The following RPS6KA2 variants were observed in gnomAD, a reference collection of about 807,000 sequenced individuals.
RPS6KA2 encodes ribosomal protein S6 kinase A2, also known as ribosomal protein S6 kinase alpha-2.
In RPS6KA2, 42 loss-of-function variants were observed where a neutral mutation model predicts 91.8. The ratio of observed to expected loss-of-function variants is 0.46; its 90% CI spans 0.36 to 0.59. RPS6KA2 has a LOEUF of 0.59. Among genes scored for constraint, RPS6KA2 ranks in the 20% least tolerant of loss-of-function variants. The pLI, the probability that RPS6KA2 is intolerant of heterozygous loss-of-function variation, is 0.00. For synonymous variants in RPS6KA2, 414 were observed against 393.6 expected (o/e 1.05, Z -0.61); for missense variants, 798 against 978.5 (o/e 0.82, Z 2.46).
At chr6:166,472,482 C>G (rs1780808516) in intron 10 of RPS6KA2, among the ~76,000 whole-genome samples, 1 of 152,108 alleles carries the variant, frequency 6.6e-6, no homozygotes, top group African/African-American at 2.4e-5. Flanking sequence ...GTATTTTAAG[C>G]CCTCAGCAAA....
chr6:166,541,525 C>T (rs920316212), intron 1 of RPS6KA2, among the ~76,000 whole-genome samples: 16 of 152,192 alleles, frequency 1.1e-4, no homozygotes, highest in Admixed American at 3.3e-4. Flanking sequence ...TGACAGCATC[C>T]GGGCTACTTG....
At chr6:166,682,123 T>C (rs761471665) in intron 2 of RPS6KA2, among the ~76,000 whole-genome samples, 4 of 152,338 alleles carry the variant, frequency 2.6e-5, no homozygotes, top group Middle Eastern at 3.4e-3. Context: ...ACCCAAGGAA[T>C]GTGATGTTGA....
chr6:166,696,572 G>A (rs528148337), intron 2 of RPS6KA2, among the ~76,000 whole-genome samples: 136 of 152,246 alleles, frequency 8.9e-4, no homozygotes, highest in African/African-American at 2.8e-3. Context: ...CAGCTGAAAC[G>A]GTCCATTTTC....
chr6:166,812,369 A>T (rs4710112), intron 2 of RPS6KA2, among the ~76,000 whole-genome samples: 34,062 of 151,802 alleles, frequency 0.22, 4,878 homozygotes, highest in African/African-American at 0.41. Context: ...AAAAAGAAAT[A>T]AAGCGTCTGG....
At chr6:166,580,670 A>C (rs1784980236) in intron 1 of RPS6KA2, among the ~76,000 whole-genome samples, 1 of 141,332 alleles carries the variant, frequency 7.1e-6, no homozygotes, top group Admixed American at 7.0e-5. Context: ...CCCACCCCCA[A>C]CCCCTGACCC....
chr6:166,679,888 C>G (rs1337236199), intron 2 of RPS6KA2, among the ~76,000 whole-genome samples: 1 of 152,222 alleles, frequency 6.6e-6, no homozygotes, highest in African/African-American at 2.4e-5. Context: ...TGATGGGGGA[C>G]GAGCTCCCTC....
rs374069939 is a variant in RPS6KA2 at position 166,571,000 on chromosome 6, T to C, written c.100-32216A>G. Among the ~76,000 whole-genome samples the C allele has an allele frequency of 1.1e-4, 17 of 152,276 alleles. 1 individual carries two copies. The South Asian group carries it at 3.1e-3, about 28-fold the overall frequency. ...TTACACGAAATAATAAAGAATAGCA[T>C]AGGAATTCTGGGAAAATAAAGGCGT... On this transcript the variant is annotated intron_variant, in intron 1 of 20. Coordinates refer to ENST00000265678, the MANE Select transcript of RPS6KA2 (RefSeq NM_021135.6).
chr6:166,430,650 G>C (rs1324107501), intron 15 of RPS6KA2, 39 bp from the exon 16 acceptor site: 10 of 1,580,164 alleles, frequency 6.3e-6, no homozygotes, highest in Admixed American at 1.7e-5. Flanking sequence ...CACCACGGCT[G>C]GTTGCTGTGA....
intron 2 of RPS6KA2, among the ~76,000 whole-genome samples, chr6:166,812,171 C>G (rs1329070127): frequency 6.6e-6 from 1 of 152,124 alleles, no homozygotes; most frequent in Non-Finnish European, 1.5e-5. Flanking sequence ...GCCTGGCCAA[C>G]ATGGTGAAAC....
intron 2 of RPS6KA2, among the ~76,000 whole-genome samples, chr6:166,678,480 A>G (rs1358107705): frequency 6.6e-6 from 1 of 152,226 alleles, no homozygotes; most frequent in African/African-American, 2.4e-5. Flanking sequence ...TCCATGCAAA[A>G]TAAACAAAAA....
chr6:166,461,481 C>T (rs1012993465), intron 11 of RPS6KA2, among the ~76,000 whole-genome samples: 20 of 142,386 alleles, frequency 1.4e-4, no homozygotes, highest in Admixed American at 1.2e-3. Flanking sequence ...TGTGTGAGAG[C>T]AAGCGAGGGA....
intron 2 of RPS6KA2, among the ~76,000 whole-genome samples, chr6:166,536,517 C>T (rs917808282): frequency 6.6e-6 from 1 of 152,230 alleles, no homozygotes; most frequent in Admixed American, 6.5e-5. Context: ...CTGTGACTCT[C>T]TAGTGACGAT....
chr6:166,590,816 T>C (rs1583307054), intron 1 of RPS6KA2, among the ~76,000 whole-genome samples: 3 of 151,978 alleles, frequency 2.0e-5, no homozygotes, highest in East Asian at 3.9e-4. Flanking sequence ...GGATAAGTGA[T>C]GGCCCCAGGC....
At chr6:166,836,289 T>A (rs1041752248) in intron 2 of RPS6KA2, among the ~76,000 whole-genome samples, 1 of 152,208 alleles carries the variant, frequency 6.6e-6, no homozygotes, top group African/African-American at 2.4e-5. Flanking sequence ...CCTCTTTTAT[T>A]TTCTGGACAT....
At position 166,666,109 on chromosome 6, in the gene RPS6KA2, T is replaced by C. The variant is rs1361097282; in HGVS notation, c.124-127325A>G. On this transcript the variant is annotated intron_variant, in intron 2 of 21. Transcript: ENST00000503859. This position sits in a 1 kb window ranked among gnomAD's most constrained non-coding sequence, Gnocchi z 4.0. Reference sequence around the variant, plus strand: ...TCCCAGCTGATTGATCCGCAAATGATGGCAGGAAAAAGCTGAACTCACTTC... The same window carrying C: ...TCCCAGCTGATTGATCCGCAAATGACGGCAGGAAAAAGCTGAACTCACTTC... 6.6e-6 allele frequency among the ~76,000 whole-genome samples: 1 copy of C among 152,246 alleles called. No homozygotes were observed. The highest frequency in any genetic ancestry group is 1.5e-5 in the Non-Finnish European group (1 of 68,046).
At chr6:166,779,842 G>A (rs1778721406) in intron 2 of RPS6KA2, among the ~76,000 whole-genome samples, 1 of 152,150 alleles carries the variant, frequency 6.6e-6, no homozygotes, top group African/African-American at 2.4e-5. Flanking sequence ...TAGCGTTGCC[G>A]ACGGCTGCTG....
Position 166,500,030 on chromosome 6 carries a change from A to T in RPS6KA2, c.604+857T>A, listed in dbSNP as rs1781969055. On this transcript the variant is annotated intron_variant, in intron 7 of 20. Transcript: ENST00000265678. This position sits in a 1 kb window ranked among gnomAD's most constrained non-coding sequence, Gnocchi z 4.3. ...TCTTCAGGTTAGGAAGGGAGGCAAG[A>T]TGCAGTCAGAGAGCTTGGAAGATGC... Among the ~76,000 whole-genome samples, 1 of 152,194 alleles carries T rather than the reference A, an allele frequency of 6.6e-6. No individual in the cohort carries two copies. Among genetic ancestry groups the T allele is most frequent in the Non-Finnish European group, 1.5e-5 (1 of 68,030 alleles).
intron 2 of RPS6KA2, among the ~76,000 whole-genome samples, chr6:166,670,994 G>C (rs1267561062): frequency 6.6e-6 from 1 of 152,044 alleles, no homozygotes; most frequent in Non-Finnish European, 1.5e-5. Flanking sequence ...CTAATTTTTT[G>C]TAGAGACAGG....
At chr6:166,454,230 T>C (rs1780012028) in intron 12 of RPS6KA2, among the ~76,000 whole-genome samples, 1 of 152,210 alleles carries the variant, frequency 6.6e-6, no homozygotes, top group South Asian at 2.1e-4. Flanking sequence ...CTGGGCGCGG[T>C]GGATCACACC....
Sources: gnomAD v4.1 joint callset for allele counts (sites outside exome capture counted in the v4.1 genomes callset) on GRCh38, gnomAD v4.1.1 for gene constraint, Gnocchi (gnomAD v3.1) non-coding constraint, MANE v1.5 for transcripts, NCBI Gene and HGNC (gene_info 2026-07-23, HGNC 2026-07-21) for gene names.